The following KLF8 variants were observed in gnomAD, a reference collection of about 807,000 sequenced individuals.
The protein encoded by KLF8 is KLF transcription factor 8.
KLF8 carries 10 observed loss-of-function variants against 18.2 expected under a neutral mutation model. The observed-to-expected ratio is 0.55, with a 90% CI of 0.34 to 0.93. KLF8 has a LOEUF of 0.93. Ranked by LOEUF, KLF8 falls within the 40% of genes least tolerant of loss-of-function variation. The pLI is 0.02. For synonymous variants in KLF8, 109 were observed against 97.3 expected, an observed-to-expected ratio of 1.12 and a Z score of -0.71; for missense variants, 264 against 277.9, an observed-to-expected ratio of 0.95 and a Z score of 0.36.
the KLF8 span, among the ~76,000 whole-genome samples, chrX:55,979,395 G>T: frequency 1.8e-5 from 2 of 111,603 alleles, no homozygotes; most frequent in African/African-American, 3.3e-5. Context: ...AACATAGTAT[G>T]TATGAAGTTT....
the KLF8 span, among the ~76,000 whole-genome samples, chrX:55,956,117 ATATCTATCTATT>A: frequency 9.5e-5 from 8 of 84,255 alleles, no homozygotes; most frequent in East Asian, 1.4e-3. Flanking sequence ...CTTCTAATAA[ATATCTATCTATT>A]TATCTATCTA....
At chrX:56,119,403 C>G in the KLF8 span, among the ~76,000 whole-genome samples, 3 of 110,437 alleles carry the variant, frequency 2.7e-5, no homozygotes, top group African/African-American at 3.3e-5. Flanking sequence ...ACACCAGGTT[C>G]CGCTTATTAT....
chrX:56,017,129 T>A, the KLF8 span, among the ~76,000 whole-genome samples: 1 of 112,216 alleles, frequency 8.9e-6, no homozygotes, highest in African/African-American at 3.2e-5. Context: ...TTGGTCAAAG[T>A]CTAACCTGAA....
chrX:56,255,402 A>G (rs1010484452), intron 2 of KLF8, among the ~76,000 whole-genome samples: 60 of 112,212 alleles, frequency 5.3e-4, no homozygotes, highest in African/African-American at 1.9e-3. Context: ...TGCCCTTTAT[A>G]TCTTTCTCTT....
chrX:56,087,255 C>A, the KLF8 span, among the ~76,000 whole-genome samples: 1 of 110,468 alleles, frequency 9.1e-6, no homozygotes, highest in Non-Finnish European at 1.9e-5. Context: ...ATCTGTATCC[C>A]CACCAAATTT....
chrX:56,271,081 C>T (rs1224063746), intron 5 of KLF8, among the ~76,000 whole-genome samples: 4 of 112,034 alleles, frequency 3.6e-5, no homozygotes, highest in Non-Finnish European at 7.5e-5. Context: ...TATTAGGTAA[C>T]GTAAGTACAT....
the KLF8 span, among the ~76,000 whole-genome samples, chrX:56,012,638 AGAG>A: frequency 9.0e-6 from 1 of 111,459 alleles, no homozygotes; most frequent in African/African-American, 3.3e-5. Flanking sequence ...TGAAATTGGA[AGAG>A]GAGAAGTCAA....
chrX:56,008,947 A>G, the KLF8 span, among the ~76,000 whole-genome samples: 6 of 111,998 alleles, frequency 5.4e-5, no homozygotes, highest in Non-Finnish European at 9.4e-5. Context: ...TCTCTCTGGG[A>G]CAGAGGCCCT....
chrX:56,001,452 T>A, the KLF8 span, among the ~76,000 whole-genome samples: 1 of 112,350 alleles, frequency 8.9e-6, no homozygotes, highest in South Asian at 3.7e-4. Context: ...TCACTGGTTC[T>A]TTCCTGGAAA....
the KLF8 span, among the ~76,000 whole-genome samples, chrX:56,014,404 A>T: frequency 8.9e-6 from 1 of 112,725 alleles, no homozygotes; most frequent in East Asian, 2.8e-4. Context: ...CATTAGAGAA[A>T]TGCAAATCAA....
At chrX:55,994,695 G>A in the KLF8 span, among the ~76,000 whole-genome samples, 2 of 111,366 alleles carry the variant, frequency 1.8e-5, no homozygotes, top group Admixed American at 1.9e-4. Flanking sequence ...TCATTCAGGG[G>A]CATATTGTTT....
chrX:55,908,380 A>G, the KLF8 span: 1 of 292,060 alleles, frequency 3.4e-6, no homozygotes, highest in Non-Finnish European at 6.0e-6. Flanking sequence ...TGCAGCTTTA[A>G]AGGGGCTGGT....
At chrX:56,139,087 C>G in the KLF8 span, among the ~76,000 whole-genome samples, 1 of 111,146 alleles carries the variant, frequency 9.0e-6, no homozygotes, top group South Asian at 3.8e-4. Flanking sequence ...GGGAAAACAG[C>G]TAACTAGGGA....
chrX:56,145,983 A>T, the KLF8 span, among the ~76,000 whole-genome samples: 1 of 112,645 alleles, frequency 8.9e-6, no homozygotes, highest in African/African-American at 3.2e-5. Flanking sequence ...ACTGGTTATT[A>T]GAGAAATACA....
the KLF8 span, among the ~76,000 whole-genome samples, chrX:56,185,738 G>T: frequency 4.5e-5 from 5 of 111,811 alleles, no homozygotes; most frequent in Non-Finnish European, 5.6e-5. Flanking sequence ...TTAAAGAAAA[G>T]AATTTTCAAC....
chrX:55,946,747 C>G, the KLF8 span, among the ~76,000 whole-genome samples: 4 of 110,795 alleles, frequency 3.6e-5, no homozygotes, highest in East Asian at 8.4e-4. Flanking sequence ...TCTGACAAAG[C>G]GCTAATATCC....
the KLF8 span, among the ~76,000 whole-genome samples, chrX:56,185,169 A>C: frequency 8.9e-6 from 1 of 112,307 alleles, no homozygotes; most frequent in Non-Finnish European, 1.9e-5. Flanking sequence ...CAAGACGGAG[A>C]AGTGGTTAAA....
chrX:55,946,668 G>A, the KLF8 span, among the ~76,000 whole-genome samples: 1 of 111,530 alleles, frequency 9.0e-6, no homozygotes, highest in Non-Finnish European at 1.9e-5. Context: ...CTTCTGCACA[G>A]CAAAAGAAAC....
the KLF8 span, among the ~76,000 whole-genome samples, chrX:56,088,985 T>G: frequency 1.8e-5 from 2 of 111,579 alleles, no homozygotes; most frequent in Non-Finnish European, 3.8e-5. Flanking sequence ...AAGTGCCTTT[T>G]CAAGCCCTTC....
Sources: allele counts gnomAD v4.1 joint callset (sites outside exome capture counted in the v4.1 genomes callset), GRCh38; gene constraint gnomAD v4.1.1; transcripts MANE v1.5; gene names NCBI Gene and HGNC (gene_info 2026-07-23, HGNC 2026-07-21).